Variants in CBL observed in about 807,000 individuals in gnomAD.
The protein encoded by CBL is Cbl proto-oncogene.
Under a neutral mutation model 96.9 loss-of-function variants are expected in CBL, and 45 were observed. The observed-to-expected ratio is 0.46, with a 90% confidence interval of 0.37 to 0.60. CBL has a LOEUF of 0.60. CBL is among the 20% of genes least tolerant of loss of function. The probability of loss-of-function intolerance (pLI) is 0.00; values close to 1 mark genes in which losing one functional copy is unlikely to be tolerated. For missense variants in CBL, 1,024 were observed against 1,143.5 expected (o/e 0.90, Z 1.51); for synonymous variants, 420 against 426.8 (o/e 0.98, Z 0.20).
At chr11:119,247,079 C>T (rs1211165892) in intron 2 of CBL, among the ~76,000 whole-genome samples, 1 of 152,096 alleles carries the variant, frequency 6.6e-6, no homozygotes, top group African/African-American at 2.4e-5. Flanking sequence ...ATGAAAACTG[C>T]CAGTTTATCA....
At position 119,223,892 on chromosome 11, in the gene CBL, T is replaced by C. The variant is rs2135259337; in HGVS notation, c.196-8556T>C. Among the ~76,000 whole-genome samples the C allele has an allele frequency of 2.6e-5, 4 of 152,304 alleles. No individual in the cohort carries two copies. In the South Asian group the frequency reaches 8.3e-4, roughly 32 times the overall value. On this transcript the variant is annotated intron_variant, in intron 1 of 15. Coordinates refer to ENST00000264033, the MANE Select transcript of CBL (RefSeq NM_005188.4). ...TGCCCACTGCAGCCTCCCGAAGTGC[T>C]GGGATTACAGGTGTGAGCCAATGCC...
intron 2 of CBL, among the ~76,000 whole-genome samples, chr11:119,265,903 T>C (rs1448654110): frequency 6.6e-6 from 1 of 150,940 alleles, no homozygotes; most frequent in African/African-American, 2.4e-5. Flanking sequence ...GTGCCTGTAG[T>C]CCCAGCTACT....
intron 1 of CBL, among the ~76,000 whole-genome samples, chr11:119,225,073 T>C (rs557808113): frequency 0.016 from 2,368 of 151,240 alleles, 45 homozygotes; most frequent in South Asian, 0.034. Flanking sequence ...TGTGTGTGTG[T>C]GCGCGCGCTT....
At position 119,300,017 on chromosome 11, in the gene CBL, CG is replaced by C. The variant is rs1424971520; in HGVS notation, c.*237del. The C allele has an allele frequency of 1.7e-6, 1 of 600,108 alleles. No homozygotes were observed. Among genetic ancestry groups the C allele is most frequent in the Non-Finnish European group, 3.0e-6 (1 of 337,046 alleles). The allele number at this position is 600,108 out of a possible 1,614,324, so 37.2% of individuals were successfully genotyped here. On this transcript the variant is annotated 3_prime_UTR_variant, in exon 16 of 16. Coordinates refer to ENST00000264033, the MANE Select transcript of CBL (RefSeq NM_005188.4). ...ATTTGAAGGTGTCCTTCAGTTCCCA[CG>C]TAGAGAGAGTGTGGATTATATTACA... is the stretch of plus-strand genomic sequence containing the variant.
chr11:119,296,941 C>T lies in CBL; in HGVS notation c.2060C>T (p.Pro687Leu), dbSNP rs146705974. The stretch of plus-strand genomic sequence containing the variant: ...AGACCTCTTCCTGTGCCAAAACTGC[C>T]ACCTGGGGAGCAATGTGAGGGTGAA... ...AARPLPVPKL[P>L]PGEQCEGEED... The change falls in exon 13 of 16, where the codon CCA becomes CTA. Residue 687 changes from proline (P) to leucine (L), a missense_variant. By Grantham distance (98) the Pro-to-Leu change is moderately conservative (BLOSUM62 -3). Coordinates refer to ENST00000264033, the MANE Select transcript of CBL (RefSeq NM_005188.4). 147 of 1,606,986 alleles carry T rather than the reference C, an allele frequency of 9.1e-5. No individual in the cohort carries two copies. Among genetic ancestry groups the T allele is most frequent in the Admixed American group, 1.5e-4 (9 of 59,982 alleles).
intron 1 of CBL, among the ~76,000 whole-genome samples, chr11:119,228,231 C>T (rs909658118): frequency 6.6e-6 from 1 of 152,224 alleles, no homozygotes; most frequent in Non-Finnish European, 1.5e-5. Flanking sequence ...CCTCAGCCTC[C>T]TGAGTGACTG....
At chr11:119,253,897 T>A (rs564483735) in intron 2 of CBL, among the ~76,000 whole-genome samples, 11 of 148,506 alleles carry the variant, frequency 7.4e-5, no homozygotes, top group Non-Finnish European at 1.6e-4. Context: ...CTCACGTTTG[T>A]AAGTAATCCC....
At chr11:119,273,177 C>G (rs1425587150) in intron 3 of CBL, among the ~76,000 whole-genome samples, 1 of 152,040 alleles carries the variant, frequency 6.6e-6, no homozygotes, top group African/African-American at 2.4e-5. Flanking sequence ...AGGCTGGTCT[C>G]GAAGTCCTGG....
intron 11 of CBL, among the ~76,000 whole-genome samples, 192 bp downstream of exon 11, chr11:119,285,758 T>C (rs1027456404): frequency 2.0e-5 from 3 of 152,004 alleles, no homozygotes; most frequent in Admixed American, 2.0e-4. Flanking sequence ...TAGCTGGGCG[T>C]GGTGGCACTT....
intron 2 of CBL, among the ~76,000 whole-genome samples, chr11:119,249,292 A>G (rs537730421): frequency 7.9e-5 from 12 of 152,196 alleles, no homozygotes; most frequent in Non-Finnish European, 1.5e-4. Context: ...GTGGAGGTTC[A>G]TGCCTGTAAT....
chr11:119,257,086 C>T lies in CBL; in HGVS notation c.444-14649C>T, dbSNP rs983910424. 2.0e-5 allele frequency among the ~76,000 whole-genome samples: 3 copies of T among 152,320 alleles called. 1 individual carries two copies. In the Middle Eastern group the frequency reaches 0.01, roughly 518 times the overall value. ...ACTTATTTTCCTTTAGGTAGATACC[C>T]AGTGGTGGGCTTGCTGGATTGAATT... On this transcript the variant is annotated intron_variant, in intron 2 of 15. Coordinates refer to ENST00000264033, the MANE Select transcript of CBL (RefSeq NM_005188.4).
At chr11:119,280,533 T>A (rs1467273564) in intron 9 of CBL, among the ~76,000 whole-genome samples, 1 of 152,150 alleles carries the variant, frequency 6.6e-6, no homozygotes, top group East Asian at 1.9e-4. Context: ...AGATGTTGTT[T>A]GTTGTTTTAT....
At chr11:119,245,391 C>A (rs1045434473) in intron 2 of CBL, among the ~76,000 whole-genome samples, 1 of 151,942 alleles carries the variant, frequency 6.6e-6, no homozygotes, top group Middle Eastern at 3.4e-3. Context: ...GGTTTTTAAC[C>A]TTTAAACACT....
rs376182596 is a variant in CBL, at chr11:119,274,013, C to T, written c.736C>T (p.Arg246Ter). The T allele has an allele frequency of 3.7e-6, 6 of 1,613,234 alleles. No homozygotes were observed. The highest frequency in any genetic ancestry group is 1.1e-5 in the South Asian group (1 of 91,050). The change falls in exon 4 of 16, where the codon CGA (arginine) becomes TGA (stop). Residue 246 changes from arginine to a stop codon, truncating the protein, a stop_gained. Transcript: ENST00000264033. LOFTEE classifies it high-confidence loss of function. ...GGTTTTTGAATTTGACATCTTTACC[C>T]GACTCTTTCAGGTAGGACACTAAAA... is the stretch of plus-strand genomic sequence containing the variant. The part of the protein sequence containing the change: ...ISVFEFDIFT[R>*]LFQPWSSLLR...
intron 2 of CBL, among the ~76,000 whole-genome samples, chr11:119,253,450 C>CAA (rs66912490): frequency 1.2e-5 from 1 of 85,034 alleles, no homozygotes; most frequent in Non-Finnish European, 2.3e-5. Flanking sequence ...GACCTCATCT[C>CAA]AAAAAAAAAA....
chr11:119,306,591 G>A lies in CBL; in HGVS notation c.*6810G>A. The A allele has an allele frequency of 2.6e-6, 1 of 382,604 alleles. No homozygotes were observed. The highest frequency in any genetic ancestry group is 4.6e-6 in the Non-Finnish European group (1 of 215,898). The allele number at this position is 382,604 out of a possible 1,614,324, so 23.7% of individuals were successfully genotyped here. On this transcript the variant is annotated 3_prime_UTR_variant, in exon 16 of 16. Coordinates refer to ENST00000264033, the MANE Select transcript of CBL (RefSeq NM_005188.4). ...CTCTCTACCTACCTCTGACCTTCTT[G>A]TGGGTGAGGGTGGCCATGCTTATGG...
chr11:119,271,883 TA>T lies in CBL; in HGVS notation c.590+4del, dbSNP rs1949852007. 1 of 1,613,644 alleles carries T rather than the reference TA, an allele frequency of 6.2e-7. No homozygotes were observed. The highest frequency in any genetic ancestry group is 8.5e-7 in the Non-Finnish European group (1 of 1,179,716). Reference sequence around the variant, plus strand: ...TTGGAGAAAAGCTTTTGGGGAAAAGTAAGTCTCAGAATAATGAATTTGAACT... The same window carrying T: ...TTGGAGAAAAGCTTTTGGGGAAAAGTAGTCTCAGAATAATGAATTTGAACT... On this transcript the variant is annotated splice_donor_region_variant and intron_variant, in intron 3 of 15. Coordinates refer to ENST00000264033, the MANE Select transcript of CBL (RefSeq NM_005188.4).
In CBL at chr11:119,277,866, A is replaced by G. The variant is rs1175188807; in HGVS notation, c.1095+22A>G. On this transcript the variant is annotated intron_variant, in intron 7 of 15. Transcript: ENST00000264033. ...CCAGGTGAGTTTTGTTTCACATGAT[A>G]ACCATATCACTGGACACAAGCTTTA... The G allele has an allele frequency of 2.7e-6, 4 of 1,460,296 alleles. No homozygotes were observed. In the East Asian group the frequency reaches 9.1e-5, roughly 33 times the overall value. 90.5% of individuals were successfully genotyped at this position (1,460,296 alleles called of 1,614,324 possible).
At chr11:119,243,196 A>G (rs1476705233) in intron 2 of CBL, among the ~76,000 whole-genome samples, 1 of 152,102 alleles carries the variant, frequency 6.6e-6, no homozygotes, top group African/African-American at 2.4e-5. Context: ...CAGAATCGCT[A>G]GAATCCAGGA....
Sources: gnomAD v4.1 joint callset for allele counts (sites outside exome capture counted in the v4.1 genomes callset) on GRCh38, gnomAD v4.1.1 for gene constraint, MANE v1.5 for transcripts, NCBI Gene and HGNC (gene_info 2026-07-23, HGNC 2026-07-21) for gene names.